The following ACSL5 variants were observed in gnomAD, a reference collection of about 807,000 sequenced individuals.
ACSL5 encodes the protein long-chain-fatty-acid--CoA ligase 5.
In ACSL5, 50 loss-of-function variants were observed where a neutral mutation model predicts 84.9. The ratio of observed to expected loss-of-function variants is 0.59; its 90% CI spans 0.47 to 0.75. The LOEUF is 0.75. ACSL5 is among the 30% of genes least tolerant of loss of function. The probability of loss-of-function intolerance (pLI) is 0.00; values close to 1 mark genes in which losing one functional copy is unlikely to be tolerated. For missense variants in ACSL5, 775 were observed against 830.4 expected (o/e 0.93, Z 0.82); for synonymous variants, 280 against 300.7 (o/e 0.93, Z 0.71).
chr10:112,416,193 C>T (rs982196834), intron 12 of ACSL5, among the ~76,000 whole-genome samples: 2 of 152,066 alleles, frequency 1.3e-5, no homozygotes, highest in South Asian at 2.1e-4. Context: ...ATTCCTGGGC[C>T]GGGCGTGGTG....
intron 1 of ACSL5, among the ~76,000 whole-genome samples, chr10:112,381,696 C>T (rs1406766655): frequency 8.1e-5 from 12 of 147,474 alleles, no homozygotes; most frequent in African/African-American, 1.3e-4. Context: ...AGGCCGGGTG[C>T]GGTGGCTCAC....
rs576830183 is a variant in ACSL5, at chr10:112,417,864, G to A, written c.1237G>A (p.Val413Ile). 4.3e-6 allele frequency: 7 copies of A among 1,613,960 alleles called. No individual in the cohort carries two copies. Among genetic ancestry groups the A allele is most frequent in the Non-Finnish European group, 5.9e-6 (7 of 1,179,978 alleles). ...AKIQDSLGGR[V>I]RVIVTGAAPM... The stretch of plus-strand genomic sequence containing the variant: ...TGAACAGGACAGCCTGGGCGGAAGG[G>A]TTCGTGTAATTGTCACTGGAGCTGC... The change falls in exon 14 of 21, where the codon GTT (valine) becomes ATT (isoleucine). Residue 413 changes from valine to isoleucine, a missense_variant. Transcript: ENST00000354655.
At chr10:112,383,904 ACT>A (rs1169369888) in intron 1 of ACSL5, among the ~76,000 whole-genome samples, 1 of 151,654 alleles carries the variant, frequency 6.6e-6, no homozygotes, top group Non-Finnish European at 1.5e-5. Context: ...CCTAATTAAA[ACT>A]CATCCACCAG....
intron 1 of ACSL5, among the ~76,000 whole-genome samples, chr10:112,378,270 A>G (rs7076991): frequency 0.9 from 118,660 of 131,852 alleles, 53,321 homozygotes; most frequent in Middle Eastern, 0.98. Flanking sequence ...GAGGAGCCTC[A>G]CTCTGTCACC....
intron 6 of ACSL5, chr10:112,408,796 T>A: frequency 3.1e-6 from 1 of 325,670 alleles, no homozygotes; most frequent in Non-Finnish European, 5.9e-6. Context: ...CTACTCACTC[T>A]GAACACACTA....
intron 5 of ACSL5, chr10:112,406,319 T>C (rs1844036464): frequency 6.6e-6 from 1 of 152,208 alleles, no homozygotes; most frequent in Non-Finnish European, 1.5e-5. Context: ...GCCTTTTCTC[T>C]GTGCACATGT....
chr10:112,426,921 T>C lies in ACSL5; in HGVS notation c.1911+62T>C, dbSNP rs960597748. On this transcript the variant is annotated intron_variant, in intron 20 of 20. Transcript: ENST00000354655. ...CAGAAAGTTTTGTTTAAAGTTTCCATCTAATGAGGTTTAAATGTATAATTT... is the reference window on the plus strand; with the variant it reads ...CAGAAAGTTTTGTTTAAAGTTTCCACCTAATGAGGTTTAAATGTATAATTT... The C allele has an allele frequency of 9.8e-6, 13 of 1,327,502 alleles. No homozygotes were observed. In the African/African-American group the frequency reaches 1.9e-4, roughly 19 times the overall value. The allele number at this position is 1,327,502 out of a possible 1,614,324, so 82.2% of individuals were successfully genotyped here.
rs1843810887 is a variant in ACSL5, at chr10:112,398,916, G to A, written c.172G>A (p.Gly58Arg). ...SVGIEGGARK[G>R]VSQKNNDLTS... ...TGTGTCTTAGGGAGGAGCACGGAAG[G>A]GGGTTTCCCAGAAGAACAATGACCT... Residue 58 changes from glycine (G) to arginine (R), a missense_variant, in exon 3 of 21, where the codon GGG (glycine) becomes AGG (arginine). Coordinates refer to ENST00000354655, the MANE Select transcript of ACSL5 (RefSeq NM_203379.2). The A allele has an allele frequency of 3.7e-6, 6 of 1,613,940 alleles. No individual in the cohort carries two copies. The highest frequency in any genetic ancestry group is 1.1e-5 in the South Asian group (1 of 91,076).
At chr10:112,401,635 C>A (rs1443434811) in intron 3 of ACSL5, among the ~76,000 whole-genome samples, 1 of 152,222 alleles carries the variant, frequency 6.6e-6, no homozygotes, top group Non-Finnish European at 1.5e-5. Flanking sequence ...TTTAATGAGA[C>A]CTGAGTTGTT....
intron 2 of ACSL5, among the ~76,000 whole-genome samples, chr10:112,396,573 T>G (rs756549832): frequency 2.6e-5 from 4 of 152,332 alleles, no homozygotes; most frequent in African/African-American, 4.8e-5. Flanking sequence ...TCCTCTTTTA[T>G]GACTTGAAAA....
intron 1 of ACSL5, among the ~76,000 whole-genome samples, chr10:112,380,034 C>T (rs975799719): frequency 2.0e-5 from 3 of 152,206 alleles, no homozygotes; most frequent in African/African-American, 7.2e-5. Flanking sequence ...GACACTGCTT[C>T]TTCTTACCCC....
rs368670956 is a variant in ACSL5 at position 112,409,503 on chromosome 10, C to T, written c.533-4C>T. 2.0e-5 allele frequency: 32 copies of T among 1,612,432 alleles called. No individual in the cohort carries two copies. The South Asian group carries it at 2.6e-4, about 13-fold the overall frequency. ...ATGACCTCTGGTTCTATTTTGGCTT[C>T]CAGCTGATATCGCCATGGTGATCTG... On this transcript the variant is annotated splice_polypyrimidine_tract_variant and splice_region_variant and intron_variant, in intron 6 of 20. Coordinates refer to ENST00000354655, the MANE Select transcript of ACSL5 (RefSeq NM_203379.2).
At position 112,422,023 on chromosome 10, in the gene ACSL5, T is replaced by C. The variant is rs780958543; in HGVS notation, c.1464T>C (p.Asn488=). The C allele has an allele frequency of 1.2e-6, 2 of 1,614,178 alleles. No individual in the cohort carries two copies. The highest frequency in any genetic ancestry group is 2.2e-5 in the South Asian group (2 of 91,080). ...CTGACATGAACTACTTTACAGTGAA[T>C]AATGAAGGAGAGGTGGGTAGGTCAT... is the stretch of plus-strand genomic sequence containing the variant. The part of the protein sequence containing the change: ...DVADMNYFTV[N]NEGEVCIKGT... The change falls in exon 16 of 21, where the codon AAT becomes AAC. Residue 488 remains asparagine, a synonymous_variant. Transcript: ENST00000354655.
Position 112,409,561 on chromosome 10 carries a change from G to C in ACSL5, c.587G>C (p.Gly196Ala), listed in dbSNP as rs927674398. Residue 196 changes from glycine (G) to alanine (A), a missense_variant, in exon 7 of 21, where the codon GGG (glycine) becomes GCG (alanine). Gly to Ala is a moderately conservative substitution (Grantham distance 60). Coordinates refer to ENST00000354655, the MANE Select transcript of ACSL5 (RefSeq NM_203379.2). ...CCCCAAAAGGCATTGGTGCTGATAG[G>C]GAATGTAGAGAAAGGCTTCACCCCG... ...DTPQKALVLI[G>A]NVEKGFTPSL... 6.2e-7 allele frequency: 1 copy of C among 1,613,922 alleles called. No homozygotes were observed. Among genetic ancestry groups the C allele is most frequent in the Admixed American group, 1.7e-5 (1 of 59,988 alleles).
At chr10:112,407,523 C>T (rs182741317) in intron 5 of ACSL5, among the ~76,000 whole-genome samples, 4 of 152,014 alleles carry the variant, frequency 2.6e-5, no homozygotes, top group African/African-American at 7.3e-5. Flanking sequence ...CACCCGGCCT[C>T]AAGTTGAGAT....
intron 11 of ACSL5, 134 bp downstream of exon 11, chr10:112,412,113 A>T (rs1374865327): frequency 5.7e-6 from 5 of 874,188 alleles, no homozygotes; most frequent in South Asian, 1.5e-5. Flanking sequence ...GAGTTGGCTC[A>T]TGGGAGCCCT....
chr10:112,376,584 T>C, intron 1 of ACSL5: 1 of 1,222,728 alleles, frequency 8.2e-7, no homozygotes, highest in Non-Finnish European at 1.1e-6. Context: ...CACGGGCACA[T>C]CATGCTGTCT....
At chr10:112,411,853 G>A in intron 10 of ACSL5, 49 bp from the exon 11 acceptor site, 2 of 1,525,182 alleles carry the variant, frequency 1.3e-6, no homozygotes, top group Middle Eastern at 1.7e-4. Flanking sequence ...GGAATTGAAA[G>A]TTGGCATTAA....
chr10:112,413,449 G>A (rs562707623), intron 12 of ACSL5, 142 bp downstream of exon 12: 1 of 1,109,348 alleles, frequency 9.0e-7, no homozygotes, highest in South Asian at 1.5e-5. Flanking sequence ...ATCCCCGCCA[G>A]GTGTGGTGGC....
Sources: gnomAD v4.1 joint callset for allele counts (sites outside exome capture counted in the v4.1 genomes callset) on GRCh38, gnomAD v4.1.1 for gene constraint, MANE v1.5 for transcripts, NCBI Gene and HGNC (gene_info 2026-07-23, HGNC 2026-07-21) for gene names.